The following EYS variants were observed in gnomAD, a reference collection of about 807,000 sequenced individuals.
The protein encoded by EYS is EGF-like photoreceptor maintenance factor, also known as protein eyes shut homolog.
EYS carries 250 observed loss-of-function variants against 282.1 expected under a neutral mutation model. The observed-to-expected ratio is 0.89, with a 90% CI of 0.80 to 0.98. EYS has a LOEUF of 0.98. Ranked by LOEUF, EYS falls within the 50% of genes least tolerant of loss-of-function variation. The pLI, the probability that EYS is intolerant of heterozygous loss-of-function variation, is 0.00. For synonymous variants in EYS, 1,355 were observed against 1,282.9 expected (o/e 1.06, Z -1.20); for missense variants, 4,016 against 3,709.0 (o/e 1.08, Z -2.15).
intron 36 of EYS, among the ~76,000 whole-genome samples, chr6:63,817,387 A>G (rs1199241295): frequency 1.3e-5 from 2 of 152,102 alleles, no homozygotes; most frequent in Non-Finnish European, 2.9e-5. Context: ...AAGAGCTGCA[A>G]CCTCCTGACA....
chr6:65,018,922 C>T (rs1772151283), intron 13 of EYS, among the ~76,000 whole-genome samples: 1 of 151,966 alleles, frequency 6.6e-6, no homozygotes, highest in Admixed American at 6.6e-5. Flanking sequence ...TTTTAAAAAT[C>T]ATAGGTACAA....
At chr6:63,808,597 G>A (rs554041981) in intron 36 of EYS, among the ~76,000 whole-genome samples, 1 of 152,146 alleles carries the variant, frequency 6.6e-6, no homozygotes, top group South Asian at 2.1e-4. Context: ...TAAGGCAATG[G>A]TGTGATATTT....
intron 33 of EYS, among the ~76,000 whole-genome samples, chr6:64,019,043 G>T (rs546360752): frequency 2.0e-5 from 3 of 152,220 alleles, no homozygotes; most frequent in African/African-American, 7.2e-5. Context: ...CCAAAGTGCT[G>T]GGATTACAGG....
Position 64,467,398 on chromosome 6 carries a change from C to A in EYS, c.5645-28046G>T, listed in dbSNP as rs565968439. ...TTAAGAAAAATTTAATTTTTTTACC[C>A]TCTATGATCTAGCAAGTCCAATTGT... On this transcript the variant is annotated intron_variant, in intron 26 of 42. Coordinates refer to ENST00000503581, the MANE Select transcript of EYS (RefSeq NM_001142800.2). Among the ~76,000 whole-genome samples, 3 of 152,180 alleles carry A rather than the reference C, an allele frequency of 2.0e-5. No homozygotes were observed. The South Asian group carries it at 6.2e-4, about 32-fold the overall frequency.
chr6:65,349,751 G>A (rs934391752), intron 9 of EYS, among the ~76,000 whole-genome samples: 2 of 151,332 alleles, frequency 1.3e-5, no homozygotes, highest in Non-Finnish European at 1.5e-5. Context: ...GTATGGTAGT[G>A]TGTAAATCAC....
chr6:64,079,302 C>T (rs928938160), intron 32 of EYS, among the ~76,000 whole-genome samples: 2 of 152,082 alleles, frequency 1.3e-5, no homozygotes, highest in African/African-American at 2.4e-5. Flanking sequence ...ATAAATGATA[C>T]TGGCCTAGCC....
At chr6:65,254,976 T>C (rs1767421775) in intron 12 of EYS, among the ~76,000 whole-genome samples, 1 of 151,850 alleles carries the variant, frequency 6.6e-6, no homozygotes, top group Non-Finnish European at 1.5e-5. Context: ...TAACTGCCAT[T>C]GAAATCCTTA....
chr6:64,687,075 T>C (rs1770176244), intron 22 of EYS, among the ~76,000 whole-genome samples: 1 of 151,102 alleles, frequency 6.6e-6, no homozygotes, highest in South Asian at 2.1e-4. Context: ...CTCATATGTA[T>C]TAAAGAAATT....
At chr6:64,802,344 G>T (rs1312537166) in intron 22 of EYS, among the ~76,000 whole-genome samples, 1 of 151,836 alleles carries the variant, frequency 6.6e-6, no homozygotes, top group Non-Finnish European at 1.5e-5. Flanking sequence ...GAGCCACCAC[G>T]TCCGGCCGAG....
At chr6:65,373,860 G>A (rs181258227) in intron 8 of EYS, among the ~76,000 whole-genome samples, 5 of 151,916 alleles carry the variant, frequency 3.3e-5, no homozygotes, top group African/African-American at 1.2e-4. Flanking sequence ...ATTATTACCG[G>A]TTGAAAAATT....
In EYS at chr6:65,193,115, A is replaced by C. The variant is rs149326954; in HGVS notation, c.2023+102748T>G. On this transcript the variant is annotated intron_variant, in intron 12 of 42. Transcript: ENST00000503581. ...TCTCACTCATCTGTGGGAGCTAAGGAATTGATCTCATGGGGGTAGGAAGTA... is the reference window on the plus strand; with the variant it reads ...TCTCACTCATCTGTGGGAGCTAAGGCATTGATCTCATGGGGGTAGGAAGTA... 1.6e-3 allele frequency among the ~76,000 whole-genome samples: 240 copies of C among 152,024 alleles called. 1 individual carries two copies. The highest frequency in any genetic ancestry group is 5.6e-3 in the African/African-American group (231 of 41,538).
intron 26 of EYS, among the ~76,000 whole-genome samples, chr6:64,540,420 G>A (rs926929804): frequency 6.6e-6 from 1 of 151,038 alleles, no homozygotes; most frequent in Non-Finnish European, 1.5e-5. Context: ...GTGCTTTGTA[G>A]CCCCACCCTC....
intron 9 of EYS, among the ~76,000 whole-genome samples, chr6:65,350,656 C>A (rs1770564385): frequency 6.6e-6 from 1 of 151,602 alleles, no homozygotes; most frequent in Non-Finnish European, 1.5e-5. Flanking sequence ...CTTCACTTCG[C>A]AACTCTTTAT....
At chr6:65,038,168 G>A (rs939822446) in intron 13 of EYS, among the ~76,000 whole-genome samples, 4 of 151,474 alleles carry the variant, frequency 2.6e-5, no homozygotes, top group African/African-American at 7.3e-5. Flanking sequence ...AATCCTAAAC[G>A]TATGTAGATT....
intron 1 of EYS, among the ~76,000 whole-genome samples, chr6:65,673,896 G>A (rs1408679068): frequency 1.3e-5 from 2 of 151,942 alleles, no homozygotes. Flanking sequence ...TTCCTGATAT[G>A]AGTAAAGTCA....
intron 8 of EYS, among the ~76,000 whole-genome samples, chr6:65,364,709 C>T (rs944096407): frequency 1.3e-5 from 2 of 151,514 alleles, no homozygotes; most frequent in Admixed American, 6.7e-5. Flanking sequence ...AGTTCAGCTC[C>T]TTCTCCCCGG....
chr6:64,604,038 C>T (rs1766845386), intron 24 of EYS, among the ~76,000 whole-genome samples: 1 of 151,956 alleles, frequency 6.6e-6, no homozygotes, highest in African/African-American at 2.4e-5. Context: ...TGCATTATTT[C>T]TCTCTTTTTT....
chr6:65,529,505 GT>G (rs1313187552), intron 2 of EYS, among the ~76,000 whole-genome samples: 3 of 152,154 alleles, frequency 2.0e-5, no homozygotes, highest in Non-Finnish European at 4.4e-5. Flanking sequence ...ACCAGAGGAA[GT>G]TGATTAATAA....
chr6:64,236,204 A>AC (rs1766600659), intron 30 of EYS, among the ~76,000 whole-genome samples: 1 of 152,132 alleles, frequency 6.6e-6, no homozygotes, highest in South Asian at 2.1e-4. Flanking sequence ...CTATCTCCTG[A>AC]CCTTGTGCTC....
Sources: gnomAD v4.1 joint callset for allele counts (sites outside exome capture counted in the v4.1 genomes callset) on GRCh38, gnomAD v4.1.1 for gene constraint, MANE v1.5 for transcripts, NCBI Gene and HGNC (gene_info 2026-07-23, HGNC 2026-07-21) for gene names.